Variants in RIMS2 observed in about 807,000 individuals in gnomAD.
RIMS2 encodes regulating synaptic membrane exocytosis 2.
Under a neutral mutation model 174.4 loss-of-function variants are expected in RIMS2, and 59 were observed. The ratio of observed to expected loss-of-function variants is 0.34; its 90% CI spans 0.27 to 0.42. RIMS2 has a LOEUF of 0.42. Among genes scored for constraint, RIMS2 ranks in the 10% least tolerant of loss-of-function variants. RIMS2 has a pLI of 1.00. For missense variants in RIMS2, 1,620 were observed against 1,666.3 expected (o/e 0.97, Z 0.48); for synonymous variants, 606 against 572.5 (o/e 1.06, Z -0.84).
At chr8:104,099,081 A>G (rs1434166868) in intron 19 of RIMS2, among the ~76,000 whole-genome samples, 1 of 152,184 alleles carries the variant, frequency 6.6e-6, no homozygotes, top group East Asian at 1.9e-4. Flanking sequence ...CAGGAAAGTG[A>G]GCATTGCCTG....
chr8:103,933,903 C>A (rs1320117659), intron 12 of RIMS2, among the ~76,000 whole-genome samples: 1 of 151,962 alleles, frequency 6.6e-6, no homozygotes, highest in Non-Finnish European at 1.5e-5. Flanking sequence ...AAACAGAAAA[C>A]AATTGATGCC....
At position 103,900,215 on chromosome 8, in the gene RIMS2, T is replaced by C. The variant is rs145122366; in HGVS notation, c.1625-9919T>C. Among the ~76,000 whole-genome samples, 399 of 151,678 alleles carry C rather than the reference T, an allele frequency of 2.6e-3. 10 individuals carry two copies. Among genetic ancestry groups the C allele is most frequent in the Admixed American group, 0.018 (277 of 15,262 alleles). On this transcript the variant is annotated intron_variant, in intron 4 of 23. Transcript: ENST00000504942. ...ATAAAATCCCTTACAGACAAGCAAA[T>C]GCTGAGAGATTTTGTTTGTTCGTTT... is the stretch of plus-strand genomic sequence containing the variant.
intron 19 of RIMS2, among the ~76,000 whole-genome samples, chr8:104,114,559 T>C (rs1201781718): frequency 1.3e-5 from 2 of 152,006 alleles, no homozygotes; most frequent in African/African-American, 4.8e-5. Context: ...AGCATTTTAT[T>C]AATCTTTCCA....
intron 19 of RIMS2, among the ~76,000 whole-genome samples, chr8:104,119,832 A>G (rs1471562391): frequency 2.6e-5 from 4 of 152,208 alleles, no homozygotes; most frequent in Non-Finnish European, 5.9e-5. Context: ...AAATTACACT[A>G]GAACCTTCAA....
At chr8:104,175,082 A>C (rs1410954950) in intron 19 of RIMS2, among the ~76,000 whole-genome samples, 3 of 152,194 alleles carry the variant, frequency 2.0e-5, no homozygotes, top group African/African-American at 7.2e-5. Context: ...AATCACCTCT[A>C]TGATGAATAC....
At chr8:104,151,776 C>T (rs1382676145) in intron 19 of RIMS2, among the ~76,000 whole-genome samples, 1 of 152,100 alleles carries the variant, frequency 6.6e-6, no homozygotes, top group African/African-American at 2.4e-5. Context: ...TACTTAAACT[C>T]ATGAACGTGG....
At chr8:103,608,447 TTGTC>T (rs1426075675) in intron 1 of RIMS2, among the ~76,000 whole-genome samples, 2 of 144,156 alleles carry the variant, frequency 1.4e-5, no homozygotes, top group African/African-American at 5.3e-5. Flanking sequence ...GTCTTTTTGT[TTGTC>T]TGTGCCCTGC....
At chr8:104,122,677 G>C (rs1030065792) in intron 19 of RIMS2, among the ~76,000 whole-genome samples, 2 of 152,112 alleles carry the variant, frequency 1.3e-5, no homozygotes, top group African/African-American at 4.8e-5. Flanking sequence ...TTTCTATTTA[G>C]ATTCATACTT....
intron 19 of RIMS2, among the ~76,000 whole-genome samples, chr8:104,123,407 C>T (rs1323805558): frequency 6.6e-6 from 1 of 151,570 alleles, no homozygotes; most frequent in Non-Finnish European, 1.5e-5. Flanking sequence ...GGAGTTTCCT[C>T]CATTAAAAAA....
At chr8:103,516,849 C>T (rs1013525286) in intron 1 of RIMS2, among the ~76,000 whole-genome samples, 1 of 152,160 alleles carries the variant, frequency 6.6e-6, no homozygotes, top group African/African-American at 2.4e-5. Flanking sequence ...GCTGCTTCTA[C>T]AAAGCCATAT....
At chr8:103,670,114 C>T (rs766790012) in intron 1 of RIMS2, among the ~76,000 whole-genome samples, 11 of 152,242 alleles carry the variant, frequency 7.2e-5, no homozygotes, top group Non-Finnish European at 1.3e-4. Context: ...CTTCTGTACA[C>T]CCTCAGGCTC....
intron 3 of RIMS2, among the ~76,000 whole-genome samples, chr8:103,882,703 A>G (rs2099173774): frequency 6.6e-6 from 1 of 151,484 alleles, no homozygotes; most frequent in African/African-American, 2.4e-5. Context: ...ATTGAATTCA[A>G]TTTTCCTAAG....
intron 3 of RIMS2, among the ~76,000 whole-genome samples, chr8:103,819,019 G>T (rs2098734865): frequency 6.6e-6 from 1 of 152,136 alleles, no homozygotes; most frequent in South Asian, 2.1e-4. Flanking sequence ...AAAGAGAAAA[G>T]GGTTGGGGAA....
chr8:104,159,720 A>G (rs2098749238), intron 19 of RIMS2, among the ~76,000 whole-genome samples: 1 of 152,128 alleles, frequency 6.6e-6, no homozygotes, highest in South Asian at 2.1e-4. Context: ...TCATTTGTTT[A>G]TCTTCTTTAG....
At chr8:103,557,151 A>C (rs773290649) in intron 1 of RIMS2, among the ~76,000 whole-genome samples, 3 of 152,230 alleles carry the variant, frequency 2.0e-5, no homozygotes, top group Non-Finnish European at 4.4e-5. Context: ...AATAAATGCT[A>C]GTAGATTCTC....
downstream of RIMS2, chr8:104,252,008 T>C: frequency 1.0e-5 from 6 of 596,644 alleles, no homozygotes; most frequent in East Asian, 2.8e-5. Context: ...GGCCCTCAGG[T>C]GAAAGAGCAG....
At chr8:104,087,980 C>T (rs1389914973) in intron 19 of RIMS2, among the ~76,000 whole-genome samples, 2 of 152,072 alleles carry the variant, frequency 1.3e-5, no homozygotes, top group Admixed American at 6.6e-5. Context: ...TTAAATAAGT[C>T]CTCAAATGTC....
intron 3 of RIMS2, among the ~76,000 whole-genome samples, chr8:103,772,934 T>TA (rs137890647): frequency 0.11 from 17,294 of 152,206 alleles, 1,325 homozygotes; most frequent in African/African-American, 0.22. Flanking sequence ...TTTTACTGTA[T>TA]AAAATTAACT....
At chr8:104,015,760 G>A (rs867132782) in intron 19 of RIMS2, among the ~76,000 whole-genome samples, 2 of 151,902 alleles carry the variant, frequency 1.3e-5, no homozygotes, top group African/African-American at 2.4e-5. Flanking sequence ...ACTAGATTTC[G>A]AGTAAGACTT....
Sources: gnomAD v4.1 joint callset for allele counts (sites outside exome capture counted in the v4.1 genomes callset) on GRCh38, gnomAD v4.1.1 for gene constraint, MANE v1.5 for transcripts, NCBI Gene and HGNC (gene_info 2026-07-23, HGNC 2026-07-21) for gene names.